The following IL1RAPL2 variants were observed in gnomAD, a reference collection of about 807,000 sequenced individuals.
IL1RAPL2 encodes X-linked interleukin-1 receptor accessory protein-like 2.
IL1RAPL2 carries 3 observed loss-of-function variants against 44.1 expected under a neutral mutation model. The observed-to-expected ratio is 0.07, with a 90% CI of 0.03 to 0.18. The LOEUF (loss-of-function observed/expected upper bound fraction) is 0.18. IL1RAPL2 is among the 10% of genes least tolerant of loss of function. The pLI is 1.00. For synonymous variants in IL1RAPL2, 181 were observed against 178.8 expected, an observed-to-expected ratio of 1.01 and a Z score of -0.10; for missense variants, 391 against 496.4, an observed-to-expected ratio of 0.79 and a Z score of 2.02.
At chrX:105,482,633 A>T (rs758469083) in intron 5 of IL1RAPL2, among the ~76,000 whole-genome samples, 1 of 111,457 alleles carries the variant, frequency 9.0e-6, no homozygotes, top group African/African-American at 3.3e-5. Context: ...CTATTTTGGG[A>T]ATCTCTCCAA....
At chrX:105,747,575 C>CAT (rs1181132236) in intron 8 of IL1RAPL2, among the ~76,000 whole-genome samples, 12 of 101,430 alleles carry the variant, frequency 1.2e-4, no homozygotes, top group South Asian at 4.8e-4. Flanking sequence ...TATATACACA[C>CAT]ATATATATAT....
At chrX:105,464,889 AT>A (rs1270695184) in intron 5 of IL1RAPL2, among the ~76,000 whole-genome samples, 1 of 110,865 alleles carries the variant, frequency 9.0e-6, no homozygotes, top group Non-Finnish European at 1.9e-5. Flanking sequence ...GACTAAGACA[AT>A]TTAGACACCC....
At chrX:105,139,062 G>A (rs190773577) in intron 2 of IL1RAPL2, among the ~76,000 whole-genome samples, 1 of 111,693 alleles carries the variant, frequency 9.0e-6, no homozygotes, top group Non-Finnish European at 1.9e-5. Flanking sequence ...TAAAAAGAAC[G>A]TTTACCATAC....
chrX:104,830,156 A>T (rs1281449792), intron 2 of IL1RAPL2, among the ~76,000 whole-genome samples: 1 of 111,659 alleles, frequency 9.0e-6, no homozygotes, highest in African/African-American at 3.3e-5. Context: ...AACAGATGTA[A>T]CCAAGTGTGA....
At chrX:105,719,170 A>G (rs1278989448) in intron 7 of IL1RAPL2, among the ~76,000 whole-genome samples, 1 of 111,977 alleles carries the variant, frequency 8.9e-6, no homozygotes, top group Non-Finnish European at 1.9e-5. Flanking sequence ...GGAATGAATA[A>G]ATAAAATGTG....
chrX:105,568,463 T>C (rs1348204442), intron 6 of IL1RAPL2, among the ~76,000 whole-genome samples: 1 of 112,032 alleles, frequency 8.9e-6, no homozygotes, highest in Non-Finnish European at 1.9e-5. Context: ...TTTAGAAAAT[T>C]GTGACACTTT....
Position 104,767,244 on chromosome X carries a change from T to G in IL1RAPL2, c.82+108249T>G, listed in dbSNP as rs1932573375. Among the ~76,000 whole-genome samples, 3 of 112,119 alleles carry G rather than the reference T, an allele frequency of 2.7e-5. No individual in the cohort carries two copies. In the South Asian group the frequency reaches 1.1e-3, roughly 41 times the overall value. The stretch of plus-strand genomic sequence containing the variant: ...CATGAGAGGACTCCAAACTTCTTTT[T>G]GTGGTTGGAGTGCCCCTGGAAGTTG... On this transcript the variant is annotated intron_variant, in intron 2 of 10. Coordinates refer to ENST00000372582, the MANE Select transcript of IL1RAPL2 (RefSeq NM_017416.2).
intron 2 of IL1RAPL2, among the ~76,000 whole-genome samples, chrX:105,088,495 C>T (rs1167700932): frequency 1.8e-5 from 2 of 111,632 alleles, no homozygotes; most frequent in East Asian, 5.6e-4. Context: ...TCCAAATGAT[C>T]ACAAAACTTG....
chrX:104,644,304 A>G (rs950480085), intron 1 of IL1RAPL2, among the ~76,000 whole-genome samples: 1 of 111,730 alleles, frequency 9.0e-6, no homozygotes, highest in Non-Finnish European at 1.9e-5. Flanking sequence ...AAAAAATCCT[A>G]GAATGAACTA....
chrX:105,591,906 G>A (rs1474335727), intron 6 of IL1RAPL2, among the ~76,000 whole-genome samples: 1 of 111,295 alleles, frequency 9.0e-6, no homozygotes, highest in Non-Finnish European at 1.9e-5. Flanking sequence ...TTTGGGTGGA[G>A]AGTTCTGTAG....
intron 1 of IL1RAPL2, among the ~76,000 whole-genome samples, chrX:104,625,923 C>T (rs756914047): frequency 2.7e-5 from 3 of 111,234 alleles, no homozygotes; most frequent in Non-Finnish European, 5.6e-5. Context: ...GTATAATCTT[C>T]AGGCAACTTG....
intron 2 of IL1RAPL2, among the ~76,000 whole-genome samples, chrX:105,187,238 TTTGA>T (rs2033596905): frequency 8.9e-6 from 1 of 112,450 alleles, no homozygotes; most frequent in Admixed American, 9.4e-5. Flanking sequence ...ATTATAACTG[TTTGA>T]TTATTTTCCT....
Position 104,910,492 on chromosome X carries a change from A to G in IL1RAPL2, c.82+251497A>G, listed in dbSNP as rs1924201904. On this transcript the variant is annotated intron_variant, in intron 2 of 10. Transcript: ENST00000372582. ...CATCAACCTATCATCTACATTAGGTATTTCTTCTAATGCTATCCCTCCCCT... is the reference window on the plus strand; with the variant it reads ...CATCAACCTATCATCTACATTAGGTGTTTCTTCTAATGCTATCCCTCCCCT... Among the ~76,000 whole-genome samples, 3 of 111,573 alleles carry G rather than the reference A, an allele frequency of 2.7e-5. No individual in the cohort carries two copies. In the South Asian group the frequency reaches 1.1e-3, roughly 43 times the overall value.
intron 2 of IL1RAPL2, among the ~76,000 whole-genome samples, chrX:105,131,273 AC>A: frequency 9.0e-6 from 1 of 110,663 alleles, no homozygotes; most frequent in Admixed American, 9.7e-5. Flanking sequence ...ATAGGACTCT[AC>A]ATCGGGGTTA....
chrX:104,720,118 C>G (rs1173783018), intron 2 of IL1RAPL2, among the ~76,000 whole-genome samples: 1 of 111,769 alleles, frequency 8.9e-6, no homozygotes, highest in African/African-American at 3.2e-5. Flanking sequence ...TTTCTACATT[C>G]CATTATGCTA....
chrX:105,697,349 G>C (rs1316504799), intron 6 of IL1RAPL2, among the ~76,000 whole-genome samples: 1 of 110,250 alleles, frequency 9.1e-6, no homozygotes, highest in African/African-American at 3.3e-5. Flanking sequence ...AAAGTTCTTG[G>C]TAAAAATGCA....
chrX:104,680,330 C>G (rs1039933256), intron 2 of IL1RAPL2, among the ~76,000 whole-genome samples: 1 of 111,510 alleles, frequency 9.0e-6, no homozygotes, highest in African/African-American at 3.3e-5. Flanking sequence ...CCACAACCCC[C>G]CTGAAACTGT....
intron 1 of IL1RAPL2, among the ~76,000 whole-genome samples, chrX:104,639,989 G>A (rs1445234154): frequency 2.7e-5 from 3 of 111,250 alleles, no homozygotes; most frequent in Admixed American, 9.6e-5. Flanking sequence ...TGTATCTGAC[G>A]GGATGGCTGA....
chrX:104,568,500 G>A (rs1479663086), intron 1 of IL1RAPL2, among the ~76,000 whole-genome samples: 1 of 111,968 alleles, frequency 8.9e-6, no homozygotes, highest in Non-Finnish European at 1.9e-5. Context: ...TCTCTGAGCC[G>A]ACCCGTACGG....
Sources: allele counts gnomAD v4.1 joint callset (sites outside exome capture counted in the v4.1 genomes callset), GRCh38; gene constraint gnomAD v4.1.1; transcripts MANE v1.5; gene names NCBI Gene and HGNC (gene_info 2026-07-23, HGNC 2026-07-21).